Variants in RSL1D1 observed in about 807,000 individuals in gnomAD.
RSL1D1 encodes the protein ribosomal L1 domain containing 1, also known as ribosomal L1 domain-containing protein 1.
A neutral mutation model predicts 44.6 loss-of-function variants in RSL1D1; 34 were observed. The ratio of observed to expected loss-of-function variants is 0.76; its 90% CI spans 0.58 to 1.02. RSL1D1 has a LOEUF of 1.02. RSL1D1 is among the 50% of genes least tolerant of loss of function. The probability of loss-of-function intolerance (pLI) is 0.00; values close to 1 mark genes in which losing one functional copy is unlikely to be tolerated. For missense variants in RSL1D1, 767 were observed against 568.1 expected (o/e 1.35, Z -3.56); for synonymous variants, 271 against 207.4 (o/e 1.31, Z -2.63).
chr16:11,851,526 C>T lies in RSL1D1; in HGVS notation c.-14G>A. 3 of 1,611,718 alleles carry T rather than the reference C, an allele frequency of 1.9e-6. No homozygotes were observed. The highest frequency in any genetic ancestry group is 1.3e-5 in the African/African-American group (1 of 74,974). On this transcript the variant is annotated 5_prime_UTR_variant, in exon 1 of 9. Transcript: ENST00000571133. ...CGAATCCTCCATCTTGTTTCCACCT[C>T]GTGAAGAGGCGCGTGTGCAACCCCA...
intron 2 of RSL1D1, among the ~76,000 whole-genome samples, chr16:11,848,228 G>A (rs902481122): frequency 1.3e-5 from 2 of 152,084 alleles, no homozygotes; most frequent in African/African-American, 2.4e-5. Flanking sequence ...ACTCCAGCCT[G>A]GGTAACAAGA....
Position 11,850,359 on chromosome 16 carries a change from C to G in RSL1D1, c.165G>C (p.Gly55=), listed in dbSNP as rs1169457631. 1 of 1,600,378 alleles carries G rather than the reference C, an allele frequency of 6.2e-7. No homozygotes were observed. The highest frequency in any genetic ancestry group is 2.2e-5 in the East Asian group (1 of 44,446). Residue 55 remains glycine, a synonymous_variant, in exon 2 of 9, where the codon GGG becomes GGC. Coordinates refer to ENST00000571133, the MANE Select transcript of RSL1D1 (RefSeq NM_015659.3). ...AACTTTCATTCTCATTCAAAAGCAA[C>G]CCATAATTGTTTTTCCTGGACTTGC... is the stretch of plus-strand genomic sequence containing the variant. ...THCKSRKNNY[G]LLLNENESLF... is the part of the protein sequence containing the mutation.
chr16:11,848,843 G>A (rs1410627775), intron 2 of RSL1D1, among the ~76,000 whole-genome samples: 1 of 151,318 alleles, frequency 6.6e-6, no homozygotes, highest in African/African-American at 2.4e-5. Context: ...TGTCGCCCAG[G>A]CTGGAGTCTC....
At chr16:11,839,589 T>C (rs1298125284) in intron 8 of RSL1D1, 106 bp downstream of exon 8, 94 of 1,461,326 alleles carry the variant, frequency 6.4e-5, no homozygotes, top group Non-Finnish European at 8.3e-5. Flanking sequence ...CACAGTTCTT[T>C]GGGTTCACTC....
intron 2 of RSL1D1, among the ~76,000 whole-genome samples, chr16:11,848,043 G>A (rs1048238431): frequency 6.6e-6 from 1 of 152,156 alleles, no homozygotes; most frequent in African/African-American, 2.4e-5. Context: ...CCTGAGGTCA[G>A]GAGTTCAAGA....
At chr16:11,847,942 A>G in intron 2 of RSL1D1, 136 bp from the exon 3 acceptor site, 1 of 857,414 alleles carries the variant, frequency 1.2e-6, no homozygotes, top group Non-Finnish European at 1.8e-6. Context: ...ATAATGCACC[A>G]AGAACAACAC....
chr16:11,836,526 T>C lies in RSL1D1; in HGVS notation c.*1261A>G, dbSNP rs969244015. ...TGCCTCAGAATATACTTGACAATTG[T>C]GGAAACGTTAGCAATCTACTCTTCC... On this transcript the variant is annotated 3_prime_UTR_variant, in exon 9 of 9. Coordinates refer to ENST00000571133, the MANE Select transcript of RSL1D1 (RefSeq NM_015659.3). The C allele has an allele frequency of 6.6e-6, 1 of 152,208 alleles. No individual in the cohort carries two copies. The highest frequency in any genetic ancestry group is 1.5e-5 in the Non-Finnish European group (1 of 68,044). 9.4% of individuals were successfully genotyped at this position (152,208 alleles called of 1,614,324 possible).
intron 1 of RSL1D1, 182 bp downstream of exon 1, chr16:11,851,226 A>T (rs2053835212): frequency 3.0e-6 from 2 of 659,792 alleles, no homozygotes; most frequent in Non-Finnish European, 5.5e-6. Context: ...CCGCAGGACC[A>T]GGGAAAGCAG....
At chr16:11,844,483 C>G (rs2053784593) in intron 5 of RSL1D1, among the ~76,000 whole-genome samples, 1 of 152,062 alleles carries the variant, frequency 6.6e-6, no homozygotes, top group South Asian at 2.1e-4. Flanking sequence ...AGCCTTTAAC[C>G]AAAGGGGTAG....
At position 11,836,149 on chromosome 16, in the gene RSL1D1, C is replaced by T. The variant is rs1352715182; in HGVS notation, c.*1638G>A. ...CTTCTGACCTTCACATTCTCACCATCTGTTTCTTTGTTGGATTACCAATAA... is the reference window on the plus strand; with the variant it reads ...CTTCTGACCTTCACATTCTCACCATTTGTTTCTTTGTTGGATTACCAATAA... On this transcript the variant is annotated 3_prime_UTR_variant, in exon 9 of 9. Transcript: ENST00000571133. 2.0e-5 allele frequency: 3 copies of T among 152,238 alleles called. No individual in the cohort carries two copies. Among genetic ancestry groups the T allele is most frequent in the Non-Finnish European group, 2.9e-5 (2 of 68,050 alleles). The allele number at this position is 152,238 out of a possible 1,614,324, so 9.4% of individuals were successfully genotyped here.
At chr16:11,842,289 C>T (rs956985108) in intron 5 of RSL1D1, among the ~76,000 whole-genome samples, 16 of 150,918 alleles carry the variant, frequency 1.1e-4, no homozygotes, top group African/African-American at 2.7e-4. Flanking sequence ...CCAGATCTGG[C>T]GACTGCACTC....
Position 11,839,914 on chromosome 16 carries a change from A to C in RSL1D1, c.927T>G (p.Ala309=). 1 of 1,614,096 alleles carries C rather than the reference A, an allele frequency of 6.2e-7. No homozygotes were observed. The highest frequency in any genetic ancestry group is 8.5e-7 in the Non-Finnish European group (1 of 1,180,020). ...QKERKKKRQQ[A]RKTASVLSKD... is the part of the protein sequence containing the mutation. Reference sequence around the variant, plus strand: ...TACTAAGAACTGATGCAGTCTTCCTAGCCTGCTGCCTCTTCTTCTTCCTCT... The same window carrying C: ...TACTAAGAACTGATGCAGTCTTCCTCGCCTGCTGCCTCTTCTTCTTCCTCT... Residue 309 remains alanine (A), a synonymous_variant, in exon 8 of 9, where the codon GCT becomes GCG. Coordinates refer to ENST00000571133, the MANE Select transcript of RSL1D1 (RefSeq NM_015659.3).
At chr16:11,851,079 A>T (rs2053833933) in intron 1 of RSL1D1, 1 of 397,672 alleles carries the variant, frequency 2.5e-6, no homozygotes, top group African/African-American at 2.1e-5. Flanking sequence ...CGAAGGGCCC[A>T]CTTTAAATAA....
chr16:11,846,100 C>A, intron 5 of RSL1D1, among the ~76,000 whole-genome samples: 1 of 150,224 alleles, frequency 6.7e-6, no homozygotes, highest in Non-Finnish European at 1.5e-5. Flanking sequence ...TTAACAAAAT[C>A]TTTTTAAAAA....
chr16:11,842,792 G>A (rs1240320184), intron 5 of RSL1D1, among the ~76,000 whole-genome samples: 1 of 150,502 alleles, frequency 6.6e-6, no homozygotes, highest in African/African-American at 2.5e-5. Context: ...AGTTTGCTCT[G>A]TCGCCCAGGC....
chr16:11,837,932 C>CA lies in RSL1D1; in HGVS notation c.1327_1328insT (p.Ser443MetfsTer25). 6.2e-7 allele frequency: 1 copy of CA among 1,613,992 alleles called. No homozygotes were observed. Among genetic ancestry groups the CA allele is most frequent in the South Asian group, 1.1e-5 (1 of 91,078 alleles). Reference sequence around the variant, plus strand: ...CGCATCTTTTTTCCCCAGCGAAGGACTTTTTTCCTTCACTGCCTCTTCTTT... The same window carrying CA: ...CGCATCTTTTTTCCCCAGCGAAGGACATTTTTTCCTTCACTGCCTCTTCTTT... On this transcript the variant is annotated frameshift_variant, in exon 9 of 9. Coordinates refer to ENST00000571133, the MANE Select transcript of RSL1D1 (RefSeq NM_015659.3). LOFTEE classifies it low-confidence loss of function (END_TRUNC).
chr16:11,842,642 G>A (rs893886085), intron 5 of RSL1D1, among the ~76,000 whole-genome samples: 1 of 150,524 alleles, frequency 6.6e-6, no homozygotes, highest in Non-Finnish European at 1.5e-5. Context: ...CCAAAGTGCT[G>A]GGATTATACA....
Position 11,836,655 on chromosome 16 carries a change from T to A in RSL1D1, c.*1132A>T, listed in dbSNP as rs1231122629. 1.3e-5 allele frequency: 2 copies of A among 152,174 alleles called. No homozygotes were observed. Among genetic ancestry groups the A allele is most frequent in the African/African-American group, 4.8e-5 (2 of 41,452 alleles). The allele number at this position is 152,174 out of a possible 1,614,324, so 9.4% of individuals were successfully genotyped here. On this transcript the variant is annotated 3_prime_UTR_variant, in exon 9 of 9. Transcript: ENST00000571133. Reference sequence around the variant, plus strand: ...AGATAAATCATGTTCTTGCCTCCGGTAGGTAGGATTCAATTTAGTCCCTGT... The same window carrying A: ...AGATAAATCATGTTCTTGCCTCCGGAAGGTAGGATTCAATTTAGTCCCTGT...
intron 5 of RSL1D1, among the ~76,000 whole-genome samples, chr16:11,843,087 A>T (rs896166920): frequency 3.4e-5 from 5 of 148,312 alleles, no homozygotes; most frequent in African/African-American, 1.3e-4. Context: ...ACGCCCGGCT[A>T]ATTTTTTGTA....
Sources: allele counts gnomAD v4.1 joint callset (sites outside exome capture counted in the v4.1 genomes callset), GRCh38; gene constraint gnomAD v4.1.1; transcripts MANE v1.5; gene names NCBI Gene and HGNC (gene_info 2026-07-23, HGNC 2026-07-21).